The following PAMR1 variants were observed in gnomAD, a reference collection of about 807,000 sequenced individuals.
PAMR1 encodes inactive serine protease PAMR1.
Under a neutral mutation model 81.8 loss-of-function variants are expected in PAMR1, and 88 were observed. The observed-to-expected ratio is 1.08, with a 90% confidence interval of 0.91 to 1.28. The LOEUF is 1.28. Among genes scored for constraint, PAMR1 ranks in the 50% most tolerant of loss-of-function variants. The pLI is 0.00. For missense variants in PAMR1, 935 were observed against 919.7 expected, an observed-to-expected ratio of 1.02 and a Z score of -0.21; for synonymous variants, 336 against 345.3, an observed-to-expected ratio of 0.97 and a Z score of 0.30.
At chr11:35,479,981 A>G (rs1383737720) in intron 3 of PAMR1, among the ~76,000 whole-genome samples, 2 of 152,176 alleles carry the variant, frequency 1.3e-5, no homozygotes, top group Admixed American at 1.3e-4. Context: ...AGGAACAATG[A>G]CAAGTCCTCA....
rs757031262 is a variant in PAMR1, at chr11:35,432,518, G to T, written c.2001C>A (p.Gly667=). The T allele has an allele frequency of 6.2e-7, 1 of 1,614,248 alleles. No individual in the cohort carries two copies. ...PSDICTAETG[G]IAAVSFPGRA... ...GTCCCGGGAAGGACACAGCCGCGAT[G>T]CCTCCTGTCTCTGCAGTGCAGATAT... Residue 667 remains glycine (G), a synonymous_variant, in exon 11 of 11, where the codon GGC becomes GGA. Coordinates refer to ENST00000619888, the MANE Select transcript of PAMR1 (RefSeq NM_001001991.3).
intron 1 of PAMR1, among the ~76,000 whole-genome samples, chr11:35,497,217 G>A (rs1318601159): frequency 2.6e-5 from 4 of 151,976 alleles, no homozygotes; most frequent in Admixed American, 1.3e-4. Context: ...AATGAGGTAC[G>A]TGCATACAAT....
At chr11:35,506,505 T>C (rs1377648132) in intron 1 of PAMR1, among the ~76,000 whole-genome samples, 1 of 151,858 alleles carries the variant, frequency 6.6e-6, no homozygotes, top group Non-Finnish European at 1.5e-5. Flanking sequence ...GGTAATTCTC[T>C]CAGCTTTTGT....
intron 6 of PAMR1, among the ~76,000 whole-genome samples, chr11:35,465,114 T>C (rs7128897): frequency 0.06 from 9,079 of 152,268 alleles, 908 homozygotes; most frequent in African/African-American, 0.21. Context: ...CCTCTGGTTT[T>C]GAATTTGATG....
At position 35,432,398 on chromosome 11, in the gene PAMR1, C is replaced by A. The variant is rs1267683506; in HGVS notation, c.2121G>T (p.Lys707Asn). ...CSHRLSTAFTKVLPFKDWIER... is the reference protein window; with the variant it reads ...CSHRLSTAFTNVLPFKDWIER... ...CAATCCAGTCTTTAAAAGGCAGCAC[C>A]TTGGTGAAGGCAGTGGAGAGCCTGT... The change falls in exon 11 of 11, where the codon AAG (lysine) becomes AAT (asparagine). Residue 707 changes from lysine (K) to asparagine (N), a missense_variant. Coordinates refer to ENST00000619888, the MANE Select transcript of PAMR1 (RefSeq NM_001001991.3). 3 of 1,613,858 alleles carry A rather than the reference C, an allele frequency of 1.9e-6. No individual in the cohort carries two copies. Among genetic ancestry groups the A allele is most frequent in the Admixed American group, 1.7e-5 (1 of 60,034 alleles).
At chr11:35,522,166 C>CA (rs1473984473) in intron 1 of PAMR1, among the ~76,000 whole-genome samples, 1 of 152,182 alleles carries the variant, frequency 6.6e-6, no homozygotes, top group Non-Finnish European at 1.5e-5. Flanking sequence ...TCGTGATCTG[C>CA]CCGCCCTGGC....
intron 1 of PAMR1, among the ~76,000 whole-genome samples, chr11:35,521,286 A>C (rs1482058691): frequency 8.5e-5 from 13 of 152,158 alleles, no homozygotes; most frequent in Non-Finnish European, 1.8e-4. Context: ...GCTCTGAAAA[A>C]TCCTGTTGGC....
chr11:35,483,102 C>A (rs684748), intron 3 of PAMR1, among the ~76,000 whole-genome samples: 1 of 152,004 alleles, frequency 6.6e-6, no homozygotes, highest in Admixed American at 6.5e-5. Context: ...CAAACGCCCT[C>A]TCCTCTATTA....
In PAMR1 at chr11:35,441,591, C is replaced by G. The variant is rs754382086; in HGVS notation, c.923G>C (p.Gly308Ala). 1.2e-6 allele frequency: 2 copies of G among 1,613,948 alleles called. No homozygotes were observed. Among genetic ancestry groups the G allele is most frequent in the South Asian group, 2.2e-5 (2 of 91,076 alleles). The part of the protein sequence containing the change: ...GLINGRHAKI[G>A]TVVSFFCNNS... ...GTTACAAAAGAAAGACACCACGGTG[C>G]CAATTTTAGCATGGCGTCCGTTGAT... Residue 308 changes from glycine (G) to alanine (A), a missense_variant, in exon 7 of 11, where the codon GGC becomes GCC. By Grantham distance (60) the Gly-to-Ala change is moderately conservative. Transcript: ENST00000619888.
At chr11:35,482,845 T>C (rs1301783603) in intron 3 of PAMR1, among the ~76,000 whole-genome samples, 1 of 152,212 alleles carries the variant, frequency 6.6e-6, no homozygotes, top group Non-Finnish European at 1.5e-5. Context: ...TTGTCTATTG[T>C]TGATGTATAG....
intron 6 of PAMR1, among the ~76,000 whole-genome samples, chr11:35,463,364 T>G (rs1292113976): frequency 6.6e-6 from 1 of 152,218 alleles, no homozygotes; most frequent in Non-Finnish European, 1.5e-5. Context: ...GTGTGAGCAT[T>G]GTGCCCCAAG....
chr11:35,433,115 G>C (rs1410023132), intron 10 of PAMR1, among the ~76,000 whole-genome samples: 1 of 152,210 alleles, frequency 6.6e-6, no homozygotes, highest in Non-Finnish European at 1.5e-5. Context: ...AATAAGTGAA[G>C]TGGACAGTTG....
chr11:35,520,897 C>A (rs1298218023), intron 1 of PAMR1, among the ~76,000 whole-genome samples: 1 of 152,190 alleles, frequency 6.6e-6, no homozygotes, highest in Non-Finnish European at 1.5e-5. Context: ...CATTAGGTCC[C>A]AGGCACCATT....
In PAMR1 at chr11:35,525,059, A is replaced by G. The variant is rs1196160993; in HGVS notation, c.73+454T>C. The stretch of plus-strand genomic sequence containing the variant: ...GTGAAGCAAGATTCACCAGAAGAAC[A>G]CCAAGCAAGCCCTGCTCTTTATTCC... On this transcript the variant is annotated intron_variant, in intron 1 of 10. Coordinates refer to ENST00000619888, the MANE Select transcript of PAMR1 (RefSeq NM_001001991.3). 3.3e-5 allele frequency among the ~76,000 whole-genome samples: 5 copies of G among 151,790 alleles called. No individual in the cohort carries two copies. The East Asian group carries it at 5.8e-4, about 18-fold the overall frequency.
chr11:35,458,066 A>G (rs1353832368), intron 6 of PAMR1, among the ~76,000 whole-genome samples: 1 of 152,250 alleles, frequency 6.6e-6, no homozygotes, highest in Non-Finnish European at 1.5e-5. Context: ...AATGGTAAAC[A>G]TAATCAAGTC....
At chr11:35,488,197 C>CTTTTTTTTTTTTTTTTTTTTT (rs35884320) in intron 3 of PAMR1, among the ~76,000 whole-genome samples, 1 of 88,030 alleles carries the variant, frequency 1.1e-5, no homozygotes, top group Non-Finnish European at 2.2e-5. Context: ...CCTTTCCCAT[C>CTTTTTTTTTTTTTTTTTTTTT]TTTTTTTTTT....
chr11:35,454,828 T>A (rs548341535), intron 6 of PAMR1, among the ~76,000 whole-genome samples: 1 of 152,242 alleles, frequency 6.6e-6, no homozygotes, highest in South Asian at 2.1e-4. Flanking sequence ...TCCACAAATA[T>A]GCTCGCCTTG....
At chr11:35,489,238 A>G (rs1461042760) in intron 3 of PAMR1, among the ~76,000 whole-genome samples, 1 of 152,122 alleles carries the variant, frequency 6.6e-6, no homozygotes, top group Non-Finnish European at 1.5e-5. Flanking sequence ...ATTCCAGCTT[A>G]TCTCATGTGG....
rs771752069 is a variant in PAMR1, at chr11:35,432,046, A to T, written c.*310T>A. On this transcript the variant is annotated 3_prime_UTR_variant, in exon 11 of 11. Coordinates refer to ENST00000619888, the MANE Select transcript of PAMR1 (RefSeq NM_001001991.3). ...CCCTGGTCAAGCTGATGGCATTCGT[A>T]TAACTGAAAGTTGGGGAAGACCACC... is the stretch of plus-strand genomic sequence containing the variant. The T allele has an allele frequency of 3.1e-6, 1 of 322,038 alleles. No individual in the cohort carries two copies. Among genetic ancestry groups the T allele is most frequent in the African/African-American group, 2.1e-5 (1 of 47,196 alleles). The allele number at this position is 322,038 out of a possible 1,614,324, so 19.9% of individuals were successfully genotyped here.
Sources: gnomAD v4.1 joint callset for allele counts (sites outside exome capture counted in the v4.1 genomes callset) on GRCh38, gnomAD v4.1.1 for gene constraint, MANE v1.5 for transcripts, NCBI Gene and HGNC (gene_info 2026-07-23, HGNC 2026-07-21) for gene names.